RIMS2: variants seen among roughly 807,000 people sequenced by gnomAD.
RIMS2 encodes regulating synaptic membrane exocytosis 2.
Under a neutral mutation model 174.4 loss-of-function variants are expected in RIMS2, and 59 were observed. That is an observed-to-expected ratio of 0.34 (90% CI 0.27 to 0.42). The LOEUF (loss-of-function observed/expected upper bound fraction) is 0.42. RIMS2 is among the 10% of genes least tolerant of loss of function. The probability of loss-of-function intolerance (pLI) is 1.00; values close to 1 mark genes in which losing one functional copy is unlikely to be tolerated. For missense variants in RIMS2, 1,620 were observed against 1,666.3 expected (o/e 0.97, Z 0.48); for synonymous variants, 606 against 572.5 (o/e 1.06, Z -0.84).
In RIMS2 at chr8:103,605,524, T is replaced by C. The variant is rs1008838128; in HGVS notation, c.177-91562T>C. 4.6e-5 allele frequency among the ~76,000 whole-genome samples: 7 copies of C among 151,614 alleles called. No individual in the cohort carries two copies. The East Asian group carries it at 7.7e-4, about 17-fold the overall frequency. On this transcript the variant is annotated intron_variant, in intron 1 of 23. Coordinates refer to ENST00000504942, the Ensembl canonical transcript of RIMS2. ...ATGATGCTGGCCTCATAAAAAGAGT[T>C]AGGGAGGATTCCCTCTTTTTCTATT...
chr8:103,670,818 C>T (rs2096734959), intron 1 of RIMS2, among the ~76,000 whole-genome samples: 1 of 152,176 alleles, frequency 6.6e-6, no homozygotes, highest in Admixed American at 6.5e-5. Context: ...CAAACTTTCC[C>T]ACATTTTGCT....
chr8:104,200,920 A>G (rs904971293), intron 19 of RIMS2, among the ~76,000 whole-genome samples: 1 of 152,164 alleles, frequency 6.6e-6, no homozygotes, highest in African/African-American at 2.4e-5. Flanking sequence ...CTCAAAAACA[A>G]CATCAACAAA....
chr8:103,548,845 A>G (rs1191269945), intron 1 of RIMS2, among the ~76,000 whole-genome samples: 4 of 152,204 alleles, frequency 2.6e-5, no homozygotes, highest in Admixed American at 6.5e-5. Flanking sequence ...ATCAGTGTAC[A>G]AAAACCAAAA....
chr8:103,532,986 A>G (rs1316020782), intron 1 of RIMS2, among the ~76,000 whole-genome samples: 1 of 152,230 alleles, frequency 6.6e-6, no homozygotes, highest in Non-Finnish European at 1.5e-5. Flanking sequence ...TAGTTATACT[A>G]AAGGAATATA....
chr8:103,649,181 T>G (rs72679430), intron 1 of RIMS2, among the ~76,000 whole-genome samples: 3,244 of 152,286 alleles, frequency 0.021, 48 homozygotes, highest in Non-Finnish European at 0.035. Context: ...AGGATCCTTT[T>G]TCTCCTTCAC....
chr8:104,098,754 T>G (rs1332526256), intron 19 of RIMS2, among the ~76,000 whole-genome samples: 1 of 152,202 alleles, frequency 6.6e-6, no homozygotes, highest in Admixed American at 6.5e-5. Context: ...GAATAATTGT[T>G]AATGAAACAT....
chr8:103,619,270 GA>G (rs981457326), intron 1 of RIMS2, among the ~76,000 whole-genome samples: 4 of 148,764 alleles, frequency 2.7e-5, no homozygotes, highest in African/African-American at 7.5e-5. Context: ...AACTATTTCA[GA>G]AAAAAAACAA....
At chr8:103,647,355 A>T (rs1220088800) in intron 1 of RIMS2, among the ~76,000 whole-genome samples, 3 of 150,328 alleles carry the variant, frequency 2.0e-5, no homozygotes, top group Non-Finnish European at 2.9e-5. Context: ...TTTTGCATTG[A>T]TGTTCATCAA....
chr8:104,065,099 A>T (rs1417874598), intron 19 of RIMS2, among the ~76,000 whole-genome samples: 3 of 152,056 alleles, frequency 2.0e-5, no homozygotes, highest in Non-Finnish European at 4.4e-5. Flanking sequence ...ATATAAACAG[A>T]TGGAGAAAAA....
intron 3 of RIMS2, among the ~76,000 whole-genome samples, chr8:103,806,288 G>T (rs184193823): frequency 5.9e-4 from 90 of 152,232 alleles, no homozygotes; most frequent in Non-Finnish European, 1.1e-3. Flanking sequence ...TGAAGGCCTT[G>T]TTCTTTTTAT....
At chr8:103,819,666 T>A in intron 3 of RIMS2, 1 of 1,504,892 alleles carries the variant, frequency 6.6e-7, no homozygotes, top group Non-Finnish European at 9.1e-7. Flanking sequence ...TTTAATATTG[T>A]TATTTTCAGA....
Position 104,069,463 on chromosome 8 carries a change from C to CTTTT in RIMS2, c.3334+54868_3334+54871dup, listed in dbSNP as rs71297250. On this transcript the variant is annotated intron_variant, in intron 19 of 23. Coordinates refer to ENST00000504942, the Ensembl canonical transcript of RIMS2. Reference sequence around the variant, plus strand: ...GGAAATAAAGTATTAATTAATTGTTCTTTTTTTTTTTTTTTTTTTTTTTGA... The same window carrying CTTTT: ...GGAAATAAAGTATTAATTAATTGTTCTTTTTTTTTTTTTTTTTTTTTTTTTTTGA... Among the ~76,000 whole-genome samples, 87 of 91,980 alleles carry CTTTT rather than the reference C, an allele frequency of 9.5e-4. 2 individuals carry two copies. The highest frequency in any genetic ancestry group is 1.5e-3 in the African/African-American group (37 of 24,234). 60.3% of individuals were successfully genotyped at this position (91,980 alleles called of 152,430 possible). A position where few individuals can be genotyped will look rare whatever the true frequency, so the allele number is the denominator to read the frequency against.
intron 19 of RIMS2, among the ~76,000 whole-genome samples, chr8:104,046,864 G>C (rs904178913): frequency 2.6e-5 from 4 of 152,012 alleles, no homozygotes; most frequent in African/African-American, 9.7e-5. Context: ...TACTGGGCTA[G>C]ATACTTTAAA....
intron 19 of RIMS2, among the ~76,000 whole-genome samples, chr8:104,172,036 T>C (rs1013118436): frequency 6.6e-6 from 1 of 152,194 alleles, no homozygotes; most frequent in Admixed American, 6.5e-5. Context: ...CAGGAATCTC[T>C]TGAAGCTTAT....
rs957105742 is a variant in RIMS2 at position 103,610,876 on chromosome 8, G to A, written c.177-86210G>A. 3.9e-5 allele frequency among the ~76,000 whole-genome samples: 6 copies of A among 152,036 alleles called. No individual in the cohort carries two copies. The East Asian group carries it at 7.7e-4, about 19-fold the overall frequency. ...CGAGAGGAGTTCATTCACAATTTTC[G>A]GGAATAGTTTCAATAGGAATGGTAT... On this transcript the variant is annotated intron_variant, in intron 1 of 23. Coordinates refer to ENST00000504942, the Ensembl canonical transcript of RIMS2.
At chr8:103,645,331 A>C (rs1030406663) in intron 1 of RIMS2, among the ~76,000 whole-genome samples, 2 of 152,086 alleles carry the variant, frequency 1.3e-5, no homozygotes, top group African/African-American at 4.8e-5. Flanking sequence ...AGAATACAGG[A>C]TATAATTTTA....
At chr8:103,668,508 A>G (rs751903310) in intron 1 of RIMS2, among the ~76,000 whole-genome samples, 2 of 152,126 alleles carry the variant, frequency 1.3e-5, no homozygotes, top group Non-Finnish European at 2.9e-5. Flanking sequence ...ATATACCTGA[A>G]GTATATTTGT....
chr8:103,527,268 G>A (rs568854063), intron 1 of RIMS2, among the ~76,000 whole-genome samples: 1 of 152,260 alleles, frequency 6.6e-6, no homozygotes, highest in African/African-American at 2.4e-5. Flanking sequence ...CAGTATCACT[G>A]GAGAATTGGT....
intron 2 of RIMS2, among the ~76,000 whole-genome samples, chr8:103,697,739 A>C (rs912680325): frequency 2.0e-5 from 3 of 151,936 alleles, no homozygotes; most frequent in Non-Finnish European, 2.9e-5. Flanking sequence ...AAAAAGAAAA[A>C]GTTTGGGCAG....
Sources: gnomAD v4.1 joint callset for allele counts (sites outside exome capture counted in the v4.1 genomes callset) on GRCh38, gnomAD v4.1.1 for gene constraint, MANE v1.5 for transcripts, NCBI Gene and HGNC (gene_info 2026-07-23, HGNC 2026-07-21) for gene names.